CSMD1: variants seen among roughly 807,000 people sequenced by gnomAD.
CSMD1 encodes CUB and Sushi multiple domains 1.
A neutral mutation model predicts 417.5 loss-of-function variants in CSMD1; 213 were observed. That is an observed-to-expected ratio of 0.51 (90% CI 0.46 to 0.57). The LOEUF is 0.57. Ranked by LOEUF, CSMD1 falls within the 20% of genes least tolerant of loss-of-function variation. The pLI is 0.00. For missense variants in CSMD1, 6,923 were observed against 4,529.7 expected, an observed-to-expected ratio of 1.53 and a Z score of -15.17; for synonymous variants, 2,862 against 1,736.8, an observed-to-expected ratio of 1.65 and a Z score of -16.11.
At chr8:3,654,097 G>C (rs906997627) in intron 7 of CSMD1, among the ~76,000 whole-genome samples, 4 of 152,142 alleles carry the variant, frequency 2.6e-5, no homozygotes, top group Admixed American at 2.6e-4. Flanking sequence ...TGTTAGAGTA[G>C]AGGGTGTTGT....
At chr8:3,724,265 G>T (rs1802362448) in intron 6 of CSMD1, among the ~76,000 whole-genome samples, 1 of 151,696 alleles carries the variant, frequency 6.6e-6, no homozygotes, top group Non-Finnish European at 1.5e-5. Flanking sequence ...AGTTACATAT[G>T]TATACATGTG....
intron 1 of CSMD1, among the ~76,000 whole-genome samples, chr8:4,800,435 T>C (rs1323009237): frequency 8.6e-6 from 1 of 116,194 alleles, no homozygotes; most frequent in Non-Finnish European, 1.8e-5. Flanking sequence ...CAAGACTTCA[T>C]CTCAAAAAAA....
intron 5 of CSMD1, among the ~76,000 whole-genome samples, chr8:3,793,535 G>T (rs1799869422): frequency 6.7e-6 from 1 of 149,578 alleles, no homozygotes; most frequent in African/African-American, 2.5e-5. Context: ...TCGATCTCTG[G>T]GCTTCCACAT....
intron 4 of CSMD1, among the ~76,000 whole-genome samples, chr8:4,018,942 A>T (rs1796653693): frequency 6.6e-6 from 1 of 152,224 alleles, no homozygotes; most frequent in Non-Finnish European, 1.5e-5. Flanking sequence ...TACGTAAGGC[A>T]TGTAAACATT....
chr8:3,770,362 C>G (rs1053030144), intron 5 of CSMD1, among the ~76,000 whole-genome samples: 2 of 152,080 alleles, frequency 1.3e-5, no homozygotes, highest in Non-Finnish European at 2.9e-5. Flanking sequence ...AACCCCGTCT[C>G]TACTAAAAAT....
intron 2 of CSMD1, among the ~76,000 whole-genome samples, chr8:4,500,974 A>G (rs1024511559): frequency 6.6e-5 from 10 of 152,066 alleles, no homozygotes; most frequent in Admixed American, 3.9e-4. Context: ...ATTTGTATGC[A>G]CCAAGAGGTT....
At chr8:4,429,816 A>G (rs1797769183) in intron 2 of CSMD1, among the ~76,000 whole-genome samples, 1 of 152,104 alleles carries the variant, frequency 6.6e-6, no homozygotes, top group Admixed American at 6.6e-5. Context: ...CATCATACCC[A>G]GGATCTCATT....
chr8:4,966,073 A>T (rs1278820991), intron 1 of CSMD1, among the ~76,000 whole-genome samples: 1 of 152,014 alleles, frequency 6.6e-6, no homozygotes, highest in Non-Finnish European at 1.5e-5. Flanking sequence ...TCGAATTGAA[A>T]GAGTTCCAGG....
At chr8:4,442,769 G>A (rs957892364) in intron 2 of CSMD1, among the ~76,000 whole-genome samples, 9 of 152,320 alleles carry the variant, frequency 5.9e-5, no homozygotes, top group Admixed American at 2.0e-4. Flanking sequence ...TCCAAAGACA[G>A]TAATGGTCTG....
At chr8:3,654,777 C>T (rs2449209) in intron 7 of CSMD1, among the ~76,000 whole-genome samples, 143,086 of 152,108 alleles carry the variant, frequency 0.94, 67,387 homozygotes, top group African/African-American at 0.99. Flanking sequence ...GGACTGGGTG[C>T]TCCCACTGGG....
At chr8:4,189,728 A>G (rs1416821197) in intron 3 of CSMD1, among the ~76,000 whole-genome samples, 2 of 152,196 alleles carry the variant, frequency 1.3e-5, no homozygotes, top group African/African-American at 4.8e-5. Flanking sequence ...TCTAATTAAT[A>G]CTTTTGACAT....
At chr8:3,424,760 G>A (rs1035830498) in intron 12 of CSMD1, among the ~76,000 whole-genome samples, 1 of 152,182 alleles carries the variant, frequency 6.6e-6, no homozygotes, top group Non-Finnish European at 1.5e-5. Flanking sequence ...CACAGTGTTT[G>A]TGTTCAAGGA....
intron 1 of CSMD1, among the ~76,000 whole-genome samples, chr8:4,767,801 C>T (rs1464883595): frequency 8.5e-5 from 13 of 152,184 alleles, no homozygotes; most frequent in Admixed American, 7.9e-4. Flanking sequence ...TGTTCCCAAA[C>T]ACTTATTTAC....
intron 5 of CSMD1, among the ~76,000 whole-genome samples, chr8:3,961,806 C>T (rs539842399): frequency 6.6e-6 from 1 of 152,200 alleles, no homozygotes; most frequent in Admixed American, 6.5e-5. Context: ...TTAATATTTC[C>T]CGCTAGAAAT....
intron 8 of CSMD1, 151 bp from the exon 9 acceptor site, chr8:3,586,411 G>C (rs1243406163): frequency 6.2e-6 from 4 of 641,724 alleles, no homozygotes; most frequent in African/African-American, 5.6e-5. Flanking sequence ...TATGTATAGA[G>C]GCAACCCTGT....
chr8:4,836,972 G>A (rs912745108), intron 1 of CSMD1, among the ~76,000 whole-genome samples: 2 of 152,114 alleles, frequency 1.3e-5, no homozygotes, highest in Admixed American at 6.5e-5. Flanking sequence ...TAGAACAGAT[G>A]GCCTTTTTTT....
At chr8:3,317,001 G>C (rs894335) in intron 23 of CSMD1, among the ~76,000 whole-genome samples, 2 of 152,008 alleles carry the variant, frequency 1.3e-5, no homozygotes, top group Non-Finnish European at 2.9e-5. Flanking sequence ...GAGTGTGTGC[G>C]TGGATGAAGC....
chr8:3,325,716 C>A (rs1009214126), intron 23 of CSMD1, among the ~76,000 whole-genome samples: 1 of 152,060 alleles, frequency 6.6e-6, no homozygotes, highest in Non-Finnish European at 1.5e-5. Context: ...CCCAGCTACT[C>A]GGGAAGCTGA....
chr8:3,650,202 C>G (rs558545039), intron 7 of CSMD1, among the ~76,000 whole-genome samples: 86 of 151,908 alleles, frequency 5.7e-4, no homozygotes, highest in Non-Finnish European at 1.0e-3. Flanking sequence ...TTGCTTGAAC[C>G]CAGAAGGCAG....
Sources: allele counts gnomAD v4.1 joint callset (sites outside exome capture counted in the v4.1 genomes callset), GRCh38; gene constraint gnomAD v4.1.1; transcripts MANE v1.5; gene names NCBI Gene and HGNC (gene_info 2026-07-23, HGNC 2026-07-21).